GNAS: variants seen among roughly 807,000 people sequenced by gnomAD.
The protein encoded by GNAS is protein ALEX.
A neutral mutation model predicts 54.5 loss-of-function variants in GNAS; 8 were observed. The ratio of observed to expected loss-of-function variants is 0.15; its 90% CI spans 0.09 to 0.26. The LOEUF (loss-of-function observed/expected upper bound fraction) is 0.26. GNAS is among the 10% of genes least tolerant of loss of function. The pLI, the probability that GNAS is intolerant of heterozygous loss-of-function variation, is 1.00. For synonymous variants in GNAS, 204 were observed against 191.4 expected (o/e 1.07, Z -0.54); for missense variants, 170 against 529.8 (o/e 0.32, Z 6.67).
chr20:58,895,771 G>T (rs1245567731), intron 2 of GNAS, 87 bp downstream of exon 2: 5 of 833,768 alleles, frequency 6.0e-6, no homozygotes, highest in Non-Finnish European at 1.0e-5. Flanking sequence ...GGCTTTGGGG[G>T]CTGGGCAGCC....
In GNAS at chr20:58,892,610, G is replaced by C. The variant is rs138812048; in HGVS notation, c.139+745G>C. ...AGGGAGGGCGGTTGCCGCTGGGCGCGACTTGGTGCGTTTCGGGCAGGACCG... is the reference window on the plus strand; with the variant it reads ...AGGGAGGGCGGTTGCCGCTGGGCGCCACTTGGTGCGTTTCGGGCAGGACCG... On this transcript the variant is annotated intron_variant, in intron 1 of 12. Transcript: ENST00000371085. 691 of 152,182 alleles carry C rather than the reference G, an allele frequency of 4.5e-3. 45 individuals are homozygous for C. The East Asian group carries it at 0.12, about 25-fold the overall frequency. 9.4% of individuals were successfully genotyped at this position (152,182 alleles called of 1,614,324 possible).
In GNAS at chr20:58,903,758, T is replaced by A; in HGVS notation, c.399T>A (p.Ser133Arg). ...ENQFRVDYIL[S>R]VMNVPDFDFP... is the part of the protein sequence containing the mutation. ...AGTTCAGAGTGGACTACATCCTGAG[T>A]GTGATGAACGTGCCTGACTTTGACT... The change falls in exon 5 of 13, where the codon AGT (serine) becomes AGA (arginine). Residue 133 changes from serine to arginine, a missense_variant. Around this residue, in one of 3 missense-constraint regions of GNAS, gnomAD observed 78 missense variants for 251.1 expected, o/e 0.31. Transcript: ENST00000371085. 6.2e-7 allele frequency: 1 copy of A among 1,612,778 alleles called. No individual in the cohort carries two copies. The highest frequency in any genetic ancestry group is 1.1e-5 in the South Asian group (1 of 91,020).
At position 58,841,678 on chromosome 20, in the gene GNAS, G is replaced by T; in HGVS notation, c.43+792G>T. Reference sequence around the variant, plus strand: ...TTAGGGGAAAGTACCTGGGGGAAAGGTAGAGGAGGTAAGGGGACCCTTGGG... The same window carrying T: ...TTAGGGGAAAGTACCTGGGGGAAAGTTAGAGGAGGTAAGGGGACCCTTGGG... On this transcript the variant is annotated intron_variant, in intron 1 of 12. Transcript: ENST00000306090. The surrounding 1 kb of genome is among the most constrained non-coding windows in gnomAD (Gnocchi z 5.0). The T allele has an allele frequency of 2.5e-6, 3 of 1,179,108 alleles. No individual in the cohort carries two copies. The highest frequency in any genetic ancestry group is 3.1e-6 in the Non-Finnish European group (3 of 954,256). 73.0% of individuals were successfully genotyped at this position (1,179,108 alleles called of 1,614,324 possible). A position where few individuals can be genotyped will look rare whatever the true frequency, so the allele number is the denominator to read the frequency against.
At chr20:58,847,787 G>C (rs980554419) in intron 1 of GNAS, among the ~76,000 whole-genome samples, 25 of 152,026 alleles carry the variant, frequency 1.6e-4, no homozygotes, top group African/African-American at 5.6e-4. Flanking sequence ...CCTTCTCTTT[G>C]TTGGCTACAG....
chr20:58,905,040 T>G (rs1256899821), intron 5 of GNAS, among the ~76,000 whole-genome samples: 3 of 152,230 alleles, frequency 2.0e-5, no homozygotes, highest in Non-Finnish European at 2.9e-5. Flanking sequence ...AACCATTTAT[T>G]GGCATATTCT....
At chr20:58,862,962 GAAAAAA>G (rs542171703) in intron 1 of GNAS, among the ~76,000 whole-genome samples, 1 of 82,340 alleles carries the variant, frequency 1.2e-5, no homozygotes, top group African/African-American at 5.1e-5. Context: ...TATTACACAT[GAAAAAA>G]AAAAAAAAAA....
intron 1 of GNAS, chr20:58,854,655 G>A: frequency 3.3e-6 from 5 of 1,530,170 alleles, no homozygotes; most frequent in East Asian, 2.5e-5. Context: ...CGCCCCAGCC[G>A]ATCCAGATGC....
In GNAS at chr20:58,841,894, C is replaced by A; in HGVS notation, c.43+1008C>A. On this transcript the variant is annotated intron_variant, in intron 1 of 12. Transcript: ENST00000306090. This position sits in a 1 kb window ranked among gnomAD's most constrained non-coding sequence, Gnocchi z 5.0. ...TGGAAAGGTAAAGCGGAACAAGGGA[C>A]AGGCTGGAGACGGGGGTCGCGTCTA... 1 of 1,231,014 alleles carries A rather than the reference C, an allele frequency of 8.1e-7. No homozygotes were observed. The allele number at this position is 1,231,014 out of a possible 1,614,324, so 76.3% of individuals were successfully genotyped here. A position where few individuals can be genotyped will look rare whatever the true frequency, so the allele number is the denominator to read the frequency against.
rs1279305888 is a variant in GNAS at position 58,853,439 on chromosome 20, C to T, written c.43+12553C>T. The T allele has an allele frequency of 6.2e-7, 1 of 1,608,646 alleles. No homozygotes were observed. Among genetic ancestry groups the T allele is most frequent in the African/African-American group, 1.3e-5 (1 of 74,720 alleles). On this transcript the variant is annotated intron_variant, in intron 1 of 12. Coordinates refer to the GNAS transcript ENST00000306090. This position sits in a 1 kb window ranked among gnomAD's most constrained non-coding sequence, Gnocchi z 4.4. The stretch of plus-strand genomic sequence containing the variant: ...AGACCGAACCGCCTCACAACGAGCC[C>T]ATCCCCGTCGAGAATGATGGCGAGG...
At chr20:58,855,608 C>CG (rs2086451127) in intron 1 of GNAS, 1 of 717,228 alleles carries the variant, frequency 1.4e-6, no homozygotes, top group African/African-American at 1.7e-5. Context: ...GACAGGCCAG[C>CG]GCCAGCAACC....
rs767104257 is a variant in GNAS at position 58,854,541 on chromosome 20, G to C, written c.43+13655G>C. The C allele has an allele frequency of 6.9e-5, 108 of 1,563,346 alleles. No individual in the cohort carries two copies. Among genetic ancestry groups the C allele is most frequent in the Non-Finnish European group, 8.7e-5 (101 of 1,166,266 alleles). ...AGCCGATCCTGACTCCGGGGCATTC[G>C]CAGCCGATCCCGACTCCGGGGCAGC... On this transcript the variant is annotated intron_variant, in intron 1 of 12. Coordinates refer to the GNAS transcript ENST00000306090.
chr20:58,872,533 T>G (rs991647661), intron 1 of GNAS, among the ~76,000 whole-genome samples: 6 of 152,176 alleles, frequency 3.9e-5, no homozygotes, highest in Non-Finnish European at 7.3e-5. Flanking sequence ...AGGCATTGTT[T>G]TCTTTTTTTC....
chr20:58,899,480 C>T (rs752399078), intron 3 of GNAS: 4 of 539,568 alleles, frequency 7.4e-6, no homozygotes, highest in Non-Finnish European at 1.1e-5. Context: ...TGCAGCAGGT[C>T]GTTAAGAATC....
intron 1 of GNAS, among the ~76,000 whole-genome samples, chr20:58,846,552 C>G (rs1406189032): frequency 6.6e-6 from 1 of 152,216 alleles, no homozygotes; most frequent in Admixed American, 6.5e-5. Context: ...AGCTGTCTAG[C>G]TCCAAGGCTA....
chr20:58,895,374 G>T (rs1338766672), intron 1 of GNAS: 3 of 516,570 alleles, frequency 5.8e-6, no homozygotes, highest in East Asian at 6.7e-5. Flanking sequence ...ATTAAAACCA[G>T]CAAACCTTAA....
chr20:58,839,760 C>G (rs537345739), upstream of GNAS: 38 of 567,058 alleles, frequency 6.7e-5, no homozygotes, highest in Non-Finnish European at 1.1e-4. Context: ...TCTCCTCTGT[C>G]CTCTCCCAGG....
intron 1 of GNAS, among the ~76,000 whole-genome samples, chr20:58,844,730 A>T (rs2085877896): frequency 1.3e-5 from 2 of 152,104 alleles, no homozygotes; most frequent in African/African-American, 4.8e-5. Context: ...AGTTGCTCAA[A>T]TAAAAAGCAC....
Position 58,903,509 on chromosome 20 carries a change from T to C in GNAS, c.258-22T>C, listed in dbSNP as rs918161937. ...CTGACATGGTGCAATATGATTTTCT[T>C]TTCTTTTCAATCCCACTGCAGTGAG... On this transcript the variant is annotated intron_variant, in intron 3 of 12. Coordinates refer to ENST00000371085, the MANE Select transcript of GNAS (RefSeq NM_000516.7). The C allele has an allele frequency of 1.9e-6, 3 of 1,604,218 alleles. No individual in the cohort carries two copies. In the African/African-American group the frequency reaches 4.0e-5, roughly 21 times the overall value.
chr20:58,841,590 G>T lies in GNAS; in HGVS notation c.43+704G>T. ...TCCCGTCGCTCGCGGGACAGAGACCGCCTCAAAGAGCGTGCGCACCTGCCC... is the reference window on the plus strand; with the variant it reads ...TCCCGTCGCTCGCGGGACAGAGACCTCCTCAAAGAGCGTGCGCACCTGCCC... On this transcript the variant is annotated intron_variant, in intron 1 of 12. Coordinates refer to the GNAS transcript ENST00000306090. The surrounding 1 kb of genome is among the most constrained non-coding windows in gnomAD (Gnocchi z 5.0). The T allele has an allele frequency of 9.8e-7, 1 of 1,016,400 alleles. No homozygotes were observed. Among genetic ancestry groups the T allele is most frequent in the Non-Finnish European group, 1.2e-6 (1 of 850,824 alleles). 63.0% of individuals were successfully genotyped at this position (1,016,400 alleles called of 1,614,324 possible). A position where few individuals can be genotyped will look rare whatever the true frequency, so the allele number is the denominator to read the frequency against.
Sources: allele counts gnomAD v4.1 joint callset (sites outside exome capture counted in the v4.1 genomes callset), GRCh38; gene constraint gnomAD v4.1.1; regional missense constraint gnomAD v4.1.1; non-coding constraint Gnocchi (gnomAD v3.1); transcripts MANE v1.5; gene names NCBI Gene and HGNC (gene_info 2026-07-23, HGNC 2026-07-21).